CADM2: variants seen among roughly 807,000 people sequenced by gnomAD.
CADM2 encodes immunoglobulin superfamily member 4D.
A neutral mutation model predicts 49.8 loss-of-function variants in CADM2; 12 were observed. That is an observed-to-expected ratio of 0.24 (90% CI 0.15 to 0.39). The LOEUF (loss-of-function observed/expected upper bound fraction) is 0.39. Among genes scored for constraint, CADM2 ranks in the 10% least tolerant of loss-of-function variants. The probability of loss-of-function intolerance (pLI) is 1.00; values close to 1 mark genes in which losing one functional copy is unlikely to be tolerated. For synonymous variants in CADM2, 214 were observed against 175.4 expected (o/e 1.22, Z -1.74); for missense variants, 378 against 492.3 (o/e 0.77, Z 2.20).
At chr3:85,810,397 C>T (rs1203158014) in intron 3 of CADM2, among the ~76,000 whole-genome samples, 3 of 152,162 alleles carry the variant, frequency 2.0e-5, no homozygotes, top group South Asian at 2.1e-4. Flanking sequence ...TTTCTACATA[C>T]CCAATTTTCA....
At chr3:86,025,360 T>C (rs1259973330) in intron 8 of CADM2, among the ~76,000 whole-genome samples, 2 of 152,124 alleles carry the variant, frequency 1.3e-5, no homozygotes, top group African/African-American at 4.8e-5. Context: ...CGCAGCCCAT[T>C]ATTTGGCAAA....
intron 1 of CADM2, among the ~76,000 whole-genome samples, chr3:85,244,622 G>A (rs987231292): frequency 6.6e-6 from 1 of 152,090 alleles, no homozygotes; most frequent in Non-Finnish European, 1.5e-5. Flanking sequence ...TAGAGCAATA[G>A]CGTAAGTATA....
intron 7 of CADM2, among the ~76,000 whole-genome samples, chr3:85,950,129 A>T (rs4688896): frequency 0.3 from 45,640 of 150,978 alleles, 8,483 homozygotes; most frequent in Non-Finnish European, 0.42. Context: ...TTTCTGAAGA[A>T]TGGTTATTGT....
intron 1 of CADM2, among the ~76,000 whole-genome samples, chr3:85,230,392 G>A (rs970099825): frequency 5.3e-5 from 8 of 152,114 alleles, no homozygotes; most frequent in Non-Finnish European, 7.4e-5. Flanking sequence ...GCAAGTAATC[G>A]AGTATTTGAA....
intron 1 of CADM2, among the ~76,000 whole-genome samples, chr3:85,573,185 A>C (rs1437952020): frequency 1.0e-5 from 1 of 95,986 alleles, no homozygotes; most frequent in Non-Finnish European, 2.1e-5. Flanking sequence ...TTATTTATTT[A>C]TTTATTTATT....
chr3:85,979,108 G>A, intron 8 of CADM2: 1 of 1,574,134 alleles, frequency 6.4e-7, no homozygotes, highest in Non-Finnish European at 8.7e-7. Context: ...AATCATTTGT[G>A]TTTCTCTTTT....
chr3:85,075,900 C>T (rs2036923436), intron 1 of CADM2, among the ~76,000 whole-genome samples: 1 of 152,052 alleles, frequency 6.6e-6, no homozygotes. Flanking sequence ...AACACTGAGT[C>T]ATTTCAAATG....
At chr3:85,540,998 C>T (rs2061525623) in intron 1 of CADM2, among the ~76,000 whole-genome samples, 1 of 151,890 alleles carries the variant, frequency 6.6e-6, no homozygotes, top group Non-Finnish European at 1.5e-5. Context: ...ACTTTAATTT[C>T]CTCTGTCTCC....
At chr3:85,460,083 T>C (rs1380469935) in intron 1 of CADM2, among the ~76,000 whole-genome samples, 1 of 152,200 alleles carries the variant, frequency 6.6e-6, no homozygotes, top group Non-Finnish European at 1.5e-5. Context: ...TTCTCCGTCA[T>C]ATCTTGATAC....
At chr3:85,773,116 A>G (rs1022068504) in intron 2 of CADM2, among the ~76,000 whole-genome samples, 1 of 151,982 alleles carries the variant, frequency 6.6e-6, no homozygotes, top group African/African-American at 2.4e-5. Context: ...AAATTCAGGA[A>G]AACAGGCTGA....
At chr3:85,280,053 T>C (rs1265935135) in intron 1 of CADM2, among the ~76,000 whole-genome samples, 2 of 151,714 alleles carry the variant, frequency 1.3e-5, no homozygotes, top group Non-Finnish European at 3.0e-5. Context: ...ACATTATCTA[T>C]TTTTTGCTTT....
intron 1 of CADM2, among the ~76,000 whole-genome samples, chr3:85,250,165 T>C (rs1276476083): frequency 2.0e-5 from 3 of 151,746 alleles, no homozygotes; most frequent in Non-Finnish European, 4.4e-5. Flanking sequence ...TAGCCATTCT[T>C]AAACAATTTG....
At chr3:85,330,410 AT>A (rs2044884625) in intron 1 of CADM2, among the ~76,000 whole-genome samples, 1 of 152,258 alleles carries the variant, frequency 6.6e-6, no homozygotes, top group South Asian at 2.1e-4. Flanking sequence ...TATGTTTTAA[AT>A]TTTAAAATGT....
At chr3:85,161,503 T>C (rs936227948) in intron 1 of CADM2, among the ~76,000 whole-genome samples, 1 of 152,084 alleles carries the variant, frequency 6.6e-6, no homozygotes, top group Non-Finnish European at 1.5e-5. Context: ...GTTTCAGGGC[T>C]CAGGGTTCAC....
chr3:85,094,334 C>T (rs1575849188), intron 1 of CADM2, among the ~76,000 whole-genome samples: 1 of 152,088 alleles, frequency 6.6e-6, no homozygotes, highest in East Asian at 1.9e-4. Flanking sequence ...TATTCAGCTA[C>T]TAATATTGTC....
intron 1 of CADM2, among the ~76,000 whole-genome samples, chr3:85,525,680 ATCT>A (rs201807983): frequency 0.012 from 1,784 of 152,170 alleles, 15 homozygotes; most frequent in Non-Finnish European, 0.015. Flanking sequence ...TAAGTTTATC[ATCT>A]TCTTATTTTG....
chr3:85,642,176 C>G (rs1358811366), intron 1 of CADM2, among the ~76,000 whole-genome samples: 1 of 152,046 alleles, frequency 6.6e-6, no homozygotes, highest in Non-Finnish European at 1.5e-5. Context: ...GATAGACAGC[C>G]CTGTTTGTTT....
At chr3:85,363,719 C>T (rs1185023433) in intron 1 of CADM2, among the ~76,000 whole-genome samples, 1 of 152,214 alleles carries the variant, frequency 6.6e-6, no homozygotes, top group African/African-American at 2.4e-5. Flanking sequence ...TCACGCCATT[C>T]TCCTGCCTCA....
chr3:85,092,162 A>G (rs958112262), intron 1 of CADM2, among the ~76,000 whole-genome samples: 4 of 152,146 alleles, frequency 2.6e-5, no homozygotes, highest in African/African-American at 9.7e-5. Flanking sequence ...CCTGGAAACC[A>G]TTTTTGAATT....
Sources: allele counts gnomAD v4.1 joint callset (sites outside exome capture counted in the v4.1 genomes callset), GRCh38; gene constraint gnomAD v4.1.1; transcripts MANE v1.5; gene names NCBI Gene and HGNC (gene_info 2026-07-23, HGNC 2026-07-21).